Variants in TMEM242 observed in about 807,000 individuals in gnomAD.
TMEM242 encodes the protein UPF0463 transmembrane protein C6orf35.
In TMEM242, 10 loss-of-function variants were observed where a neutral mutation model predicts 18.2. The ratio of observed to expected loss-of-function variants is 0.55; its 90% CI spans 0.34 to 0.93. TMEM242 has a LOEUF of 0.93. Among genes scored for constraint, TMEM242 ranks in the 40% least tolerant of loss-of-function variants. The probability of loss-of-function intolerance (pLI) is 0.02; values close to 1 mark genes in which losing one functional copy is unlikely to be tolerated. For missense variants in TMEM242, 186 were observed against 175.5 expected, an observed-to-expected ratio of 1.06 and a Z score of -0.34; for synonymous variants, 57 against 69.9, an observed-to-expected ratio of 0.81 and a Z score of 0.92.
intron 3 of TMEM242, among the ~76,000 whole-genome samples, chr6:157,315,566 A>C (rs1211014190): frequency 6.6e-6 from 1 of 152,188 alleles, no homozygotes; most frequent in Non-Finnish European, 1.5e-5. Context: ...TGGTCCCAGC[A>C]CCTAACCCAA....
At chr6:157,295,393 T>G (rs976202768) in intron 3 of TMEM242, among the ~76,000 whole-genome samples, 8 of 152,218 alleles carry the variant, frequency 5.3e-5, no homozygotes, top group Admixed American at 6.5e-5. Flanking sequence ...CTGGCCAGGG[T>G]TGGCAATGTG....
chr6:157,294,344 TTTC>T (rs1265005845), intron 3 of TMEM242, among the ~76,000 whole-genome samples: 1 of 148,596 alleles, frequency 6.7e-6, no homozygotes, highest in African/African-American at 2.5e-5. Context: ...ATGCAAGTCA[TTTC>T]TTTTTTTTTT....
chr6:157,312,751 C>G (rs1186685800), intron 3 of TMEM242, among the ~76,000 whole-genome samples: 2 of 52,982 alleles, frequency 3.8e-5, no homozygotes, highest in African/African-American at 1.5e-4. Flanking sequence ...CTCACCTGGC[C>G]TCATCTTACT....
rs1389273457 is a variant in TMEM242 at position 157,298,351 on chromosome 6, A to G, written c.328-5352T>C. Reference sequence around the variant, plus strand: ...CCCGGCCAAACAAACAACAGTAACTATACCACCTCTGACTGTCAAGCCTCT... The same window carrying G: ...CCCGGCCAAACAAACAACAGTAACTGTACCACCTCTGACTGTCAAGCCTCT... On this transcript the variant is annotated intron_variant, in intron 3 of 3. Coordinates refer to ENST00000400788, the MANE Select transcript of TMEM242 (RefSeq NM_018452.6). 3.3e-5 allele frequency among the ~76,000 whole-genome samples: 5 copies of G among 152,368 alleles called. No individual in the cohort carries two copies. In the South Asian group the frequency reaches 1.0e-3, roughly 32 times the overall value.
chr6:157,318,839 T>C lies in TMEM242; in HGVS notation c.270A>G (p.Ala90=), dbSNP rs375814175. Residue 90 remains alanine (A), a synonymous_variant, in exon 3 of 4, where the codon GCA becomes GCG. Transcript: ENST00000400788. ...AGCTAATCACACCAACCCCACACCATGCATACAGGGAGCCCCAGCCCAGAG... is the reference window on the plus strand; with the variant it reads ...AGCTAATCACACCAACCCCACACCACGCATACAGGGAGCCCCAGCCCAGAG... ...LRALGWGSLY[A]WCGVGVISFA... 19 of 1,613,834 alleles carry C rather than the reference T, an allele frequency of 1.2e-5. No individual in the cohort carries two copies. The highest frequency in any genetic ancestry group is 1.5e-5 in the Non-Finnish European group (18 of 1,179,972).
In TMEM242 at chr6:157,299,498, CA is replaced by C. The variant is rs1472218989; in HGVS notation, c.328-6500del. 5.8e-5 allele frequency: 84 copies of C among 1,436,076 alleles called. 1 individual carries two copies. The African/African-American group carries it at 8.6e-4, about 15-fold the overall frequency. The allele number at this position is 1,436,076 out of a possible 1,614,324, so 89.0% of individuals were successfully genotyped here. A position where few individuals can be genotyped will look rare whatever the true frequency, so the allele number is the denominator to read the frequency against. ...ACCAAGCTTTTGTCCAAACAAGAAA[CA>C]AAAACGAGCAGTATCCAGATTACAG... On this transcript the variant is annotated intron_variant, in intron 3 of 3. Coordinates refer to ENST00000400788, the MANE Select transcript of TMEM242 (RefSeq NM_018452.6).
intron 3 of TMEM242, among the ~76,000 whole-genome samples, chr6:157,313,329 C>G (rs1583571520): frequency 6.7e-5 from 10 of 150,084 alleles, no homozygotes; most frequent in African/African-American, 9.7e-5. Context: ...CTCACCTGGC[C>G]TCATCATAGT....
In TMEM242 at chr6:157,320,171, T is replaced by C. The variant is rs150090443; in HGVS notation, c.190-1252A>G. Among the ~76,000 whole-genome samples the C allele has an allele frequency of 5.3e-5, 8 of 152,292 alleles. 1 individual carries two copies. The highest frequency in any genetic ancestry group is 1.7e-4 in the African/African-American group (7 of 41,564). ...TCTGAAACAGAGTCTGGGTAAGTGG[T>C]CATACTCTAATTCCAGTGTTTTCCC... On this transcript the variant is annotated intron_variant, in intron 2 of 3. Transcript: ENST00000400788.
At chr6:157,299,507 G>A in intron 3 of TMEM242, 2 of 1,442,154 alleles carry the variant, frequency 1.4e-6, no homozygotes, top group Non-Finnish European at 1.9e-6. Context: ...ACAAAAACGA[G>A]CAGTATCCAG....
intron 3 of TMEM242, among the ~76,000 whole-genome samples, chr6:157,310,500 G>C (rs959595570): frequency 3.6e-5 from 5 of 138,958 alleles, no homozygotes; most frequent in Non-Finnish European, 6.3e-5. Context: ...TCATCATAGT[G>C]TCCCAGTGTA....
chr6:157,297,420 T>C (rs587691584), intron 3 of TMEM242, among the ~76,000 whole-genome samples: 11 of 152,314 alleles, frequency 7.2e-5, no homozygotes, highest in Non-Finnish European at 1.5e-4. Context: ...CAGAAAGTCC[T>C]TAAGCATCAA....
At chr6:157,296,871 A>T (rs1777756995) in intron 3 of TMEM242, among the ~76,000 whole-genome samples, 1 of 152,210 alleles carries the variant, frequency 6.6e-6, no homozygotes, top group South Asian at 2.1e-4. Flanking sequence ...CCACCATCTG[A>T]GGTAGTAGTG....
intron 2 of TMEM242, among the ~76,000 whole-genome samples, chr6:157,320,564 A>G (rs185125046): frequency 1.2e-4 from 18 of 152,000 alleles, no homozygotes; most frequent in Non-Finnish European, 2.5e-4. Context: ...TCCACCTTCC[A>G]GGTTCAAGCA....
chr6:157,318,654 G>A (rs1554250540), intron 3 of TMEM242, 128 bp downstream of exon 3: 13 of 1,022,838 alleles, frequency 1.3e-5, no homozygotes, highest in East Asian at 5.2e-5. Flanking sequence ...ATTTAGTCAC[G>A]TACTCTGTCA....
At position 157,312,513 on chromosome 6, in the gene TMEM242, C is replaced by G. The variant is rs1778193599; in HGVS notation, c.327+6269G>C. ...GTGTCCCAGTGTGCACTCACCGAGCCTCATCATACCGCCCCAGTGTGCACT... is the reference window on the plus strand; with the variant it reads ...GTGTCCCAGTGTGCACTCACCGAGCGTCATCATACCGCCCCAGTGTGCACT... On this transcript the variant is annotated intron_variant, in intron 3 of 3. Coordinates refer to ENST00000400788, the MANE Select transcript of TMEM242 (RefSeq NM_018452.6). 1.4e-5 allele frequency among the ~76,000 whole-genome samples: 2 copies of G among 145,284 alleles called. 1 individual carries two copies. The highest frequency in any genetic ancestry group is 3.0e-5 in the Non-Finnish European group (2 of 65,918).
intron 3 of TMEM242, among the ~76,000 whole-genome samples, chr6:157,310,047 C>A (rs1025492670): frequency 6.6e-6 from 1 of 152,126 alleles, no homozygotes; most frequent in South Asian, 2.1e-4. Context: ...TCTAATCATA[C>A]CAACTAGGAA....
chr6:157,320,194 C>T (rs587740031), intron 2 of TMEM242, among the ~76,000 whole-genome samples: 36 of 152,272 alleles, frequency 2.4e-4, no homozygotes, highest in African/African-American at 8.2e-4. Context: ...CCAGTGTTTT[C>T]CCAGAGGGAG....
chr6:157,314,508 A>C (rs782482131), intron 3 of TMEM242, among the ~76,000 whole-genome samples: 80 of 152,380 alleles, frequency 5.3e-4, no homozygotes, highest in Non-Finnish European at 8.2e-4. Flanking sequence ...CATAGTTGAA[A>C]GTAATCGATG....
intron 3 of TMEM242, among the ~76,000 whole-genome samples, chr6:157,298,827 C>G (rs1285010532): frequency 6.6e-6 from 1 of 152,190 alleles, no homozygotes; most frequent in African/African-American, 2.4e-5. Flanking sequence ...GCTGCTACAT[C>G]AGGGGTACCA....
Sources: gnomAD v4.1 joint callset for allele counts (sites outside exome capture counted in the v4.1 genomes callset) on GRCh38, gnomAD v4.1.1 for gene constraint, MANE v1.5 for transcripts, NCBI Gene and HGNC (gene_info 2026-07-23, HGNC 2026-07-21) for gene names.